ATP2A2: variants seen among roughly 807,000 people sequenced by gnomAD.
ATP2A2 encodes ATPase sarcoplasmic/endoplasmic reticulum Ca2+ transporting 2, also known as sarcoplasmic/endoplasmic reticulum calcium ATPase 2.
A neutral mutation model predicts 109.3 loss-of-function variants in ATP2A2; 14 were observed. The ratio of observed to expected loss-of-function variants is 0.13; its 90% confidence interval spans 0.08 to 0.20. The LOEUF is 0.20. Among genes scored for constraint, ATP2A2 ranks in the 10% least tolerant of loss-of-function variants. The pLI, the probability that ATP2A2 is intolerant of heterozygous loss-of-function variation, is 1.00. For synonymous variants in ATP2A2, 506 were observed against 490.9 expected, an observed-to-expected ratio of 1.03 and a Z score of -0.41; for missense variants, 657 against 1,321.6, an observed-to-expected ratio of 0.50 and a Z score of 7.80.
At chr12:110,337,634 A>T (rs115568508) in intron 11 of ATP2A2, among the ~76,000 whole-genome samples, 1 of 152,210 alleles carries the variant, frequency 6.6e-6, no homozygotes, top group South Asian at 2.1e-4. Flanking sequence ...CCTAGGTTAG[A>T]TGCTGATGTT....
rs1872064262 is a variant in ATP2A2, at chr12:110,281,381, C to A, written c.-409C>A. The stretch of plus-strand genomic sequence containing the variant: ...CGCGCACCGCCCCGCCGGCTCGCCT[C>A]CCTCGCCGCGTTCCGCCCTCAGTGG... On this transcript the variant is annotated 5_prime_UTR_variant, in exon 1 of 20. Coordinates refer to ENST00000539276, the MANE Select transcript of ATP2A2 (RefSeq NM_170665.4). The A allele has an allele frequency of 6.6e-6, 1 of 151,870 alleles. No individual in the cohort carries two copies. The highest frequency in any genetic ancestry group is 2.4e-5 in the African/African-American group (1 of 41,488). The allele number at this position is 151,870 out of a possible 1,614,324, so 9.4% of individuals were successfully genotyped here.
intron 3 of ATP2A2, among the ~76,000 whole-genome samples, chr12:110,289,027 T>G (rs1379794538): frequency 2.0e-5 from 3 of 152,208 alleles, no homozygotes; most frequent in Non-Finnish European, 4.4e-5. Context: ...CTGATATGGT[T>G]GTTCTTCATT....
intron 5 of ATP2A2, among the ~76,000 whole-genome samples, chr12:110,313,286 C>T (rs955529771): frequency 2.7e-5 from 4 of 149,960 alleles, no homozygotes; most frequent in African/African-American, 9.8e-5. Context: ...GAGAAGAAAC[C>T]ATGTGGTTTG....
intron 3 of ATP2A2, among the ~76,000 whole-genome samples, chr12:110,288,562 A>G (rs1872918932): frequency 6.6e-6 from 1 of 151,622 alleles, no homozygotes; most frequent in African/African-American, 2.4e-5. Context: ...CCACCACCAC[A>G]CTCGGCTAAT....
intron 5 of ATP2A2, among the ~76,000 whole-genome samples, chr12:110,321,176 T>C (rs559849758): frequency 9.8e-5 from 15 of 152,290 alleles, no homozygotes; most frequent in Non-Finnish European, 2.2e-4. Flanking sequence ...TGCAGTGAGC[T>C]GAGATCATGC....
chr12:110,292,336 G>A lies in ATP2A2; in HGVS notation c.324+212G>A, dbSNP rs553307433. On this transcript the variant is annotated intron_variant, in intron 4 of 19. Coordinates refer to ENST00000539276, the MANE Select transcript of ATP2A2 (RefSeq NM_170665.4). ...GGCTGGAGTGCAATGGTGTTGTCTC[G>A]GCTCACTGCAACCTCTTCCTCCCAG... 1.5e-3 allele frequency among the ~76,000 whole-genome samples: 225 copies of A among 151,732 alleles called. 2 individuals are homozygous for A. The highest frequency in any genetic ancestry group is 2.8e-3 in the Non-Finnish European group (192 of 67,912).
At position 110,346,638 on chromosome 12, in the gene ATP2A2, T is replaced by G; in HGVS notation, c.*168T>G. 1 of 1,469,472 alleles carries G rather than the reference T, an allele frequency of 6.8e-7. No homozygotes were observed. The highest frequency in any genetic ancestry group is 8.9e-7 in the Non-Finnish European group (1 of 1,120,398). 91.0% of individuals were successfully genotyped at this position (1,469,472 alleles called of 1,614,324 possible). A position where few individuals can be genotyped will look rare whatever the true frequency, so the allele number is the denominator to read the frequency against. On this transcript the variant is annotated 3_prime_UTR_variant, in exon 20 of 20. Coordinates refer to ENST00000539276, the MANE Select transcript of ATP2A2 (RefSeq NM_170665.4). The stretch of plus-strand genomic sequence containing the variant: ...TTTCTGACTCCAGTGGGGCAAGATT[T>G]TCCTTTTTTATACACATAATTAAAG...
At chr12:110,338,876 C>T (rs774491499) in intron 11 of ATP2A2, among the ~76,000 whole-genome samples, 1 of 152,202 alleles carries the variant, frequency 6.6e-6, no homozygotes, top group Non-Finnish European at 1.5e-5. Flanking sequence ...ATTCCAGCCA[C>T]GTTGGCACTC....
chr12:110,290,983 A>G (rs1194965856), intron 3 of ATP2A2, among the ~76,000 whole-genome samples: 2 of 151,550 alleles, frequency 1.3e-5, no homozygotes, highest in East Asian at 1.9e-4. Context: ...ATCTTGGCTC[A>G]CCGCAACCTC....
At chr12:110,290,186 G>C (rs909414709) in intron 3 of ATP2A2, among the ~76,000 whole-genome samples, 1 of 152,252 alleles carries the variant, frequency 6.6e-6, no homozygotes, top group East Asian at 1.9e-4. Context: ...GAAAAGAAAC[G>C]GGGAATTAAC....
At position 110,346,832 on chromosome 12, in the gene ATP2A2, G is replaced by A. The variant is rs1879913742; in HGVS notation, c.*362G>A. The stretch of plus-strand genomic sequence containing the variant: ...TGGCAGCAGATTTTAGGAAATGAAT[G>A]TGTGTGGTTTTTTTTCTAAAACTAA... On this transcript the variant is annotated 3_prime_UTR_variant, in exon 20 of 20. Transcript: ENST00000539276. 1.8e-6 allele frequency: 2 copies of A among 1,128,246 alleles called. No homozygotes were observed. Among genetic ancestry groups the A allele is most frequent in the Non-Finnish European group, 2.2e-6 (2 of 916,124 alleles). The allele number at this position is 1,128,246 out of a possible 1,614,324, so 69.9% of individuals were successfully genotyped here.
chr12:110,282,555 T>C lies in ATP2A2; in HGVS notation c.119-49T>C, dbSNP rs369478008. ...GCTAAAATGTCTCTCTCTTTTTTTT[T>C]TTAACCTCCCTCTTGACACATTGCT... is the stretch of plus-strand genomic sequence containing the variant. On this transcript the variant is annotated intron_variant, in intron 1 of 19. Coordinates refer to ENST00000539276, the MANE Select transcript of ATP2A2 (RefSeq NM_170665.4). 104 of 1,608,538 alleles carry C rather than the reference T, an allele frequency of 6.5e-5. No homozygotes were observed. In the African/African-American group the frequency reaches 1.3e-3, roughly 20 times the overall value.
At position 110,349,118 on chromosome 12, in the gene ATP2A2, G is replaced by A. The variant is rs1190387760; in HGVS notation, c.*2648G>A. Reference sequence around the variant, plus strand: ...CCCTTGGTCCAGACAGCTGGGAGTGGGTTAGGCCCACTGCTGTTTTGAGCA... The same window carrying A: ...CCCTTGGTCCAGACAGCTGGGAGTGAGTTAGGCCCACTGCTGTTTTGAGCA... On this transcript the variant is annotated 3_prime_UTR_variant, in exon 20 of 20. Coordinates refer to ENST00000539276, the MANE Select transcript of ATP2A2 (RefSeq NM_170665.4). The A allele has an allele frequency of 7.1e-6, 7 of 985,446 alleles. No homozygotes were observed. The highest frequency in any genetic ancestry group is 8.4e-6 in the Non-Finnish European group (7 of 829,962). 61.0% of individuals were successfully genotyped at this position (985,446 alleles called of 1,614,324 possible).
chr12:110,325,831 CAA>C (rs1175703164), intron 6 of ATP2A2: 1 of 158,706 alleles, frequency 6.3e-6, no homozygotes, highest in African/African-American at 2.4e-5. Context: ...AAAAAAATAC[CAA>C]AAAAATTAAC....
At chr12:110,290,996 C>T (rs1873214129) in intron 3 of ATP2A2, among the ~76,000 whole-genome samples, 1 of 151,798 alleles carries the variant, frequency 6.6e-6, no homozygotes, top group African/African-American at 2.4e-5. Context: ...GCAACCTCTG[C>T]CTCCCGGGTT....
In ATP2A2 at chr12:110,339,488, C is replaced by G; in HGVS notation, c.1543-15C>G. 3.1e-6 allele frequency: 5 copies of G among 1,613,984 alleles called. No homozygotes were observed. The highest frequency in any genetic ancestry group is 4.2e-6 in the Non-Finnish European group (5 of 1,179,944). On this transcript the variant is annotated splice_polypyrimidine_tract_variant and intron_variant, in intron 12 of 19. Coordinates refer to ENST00000539276, the MANE Select transcript of ATP2A2 (RefSeq NM_170665.4). The surrounding 1 kb of genome is among the most constrained non-coding windows in gnomAD (Gnocchi z 4.4). ...ATAAAACAAAATTGTTTATCTAAAT[C>G]TGTAACATTTCCAGGGTGCTCCTGA...
Position 110,339,778 on chromosome 12 carries a change from A to G in ATP2A2, c.1761+57A>G. 6.4e-7 allele frequency: 1 copy of G among 1,559,512 alleles called. No individual in the cohort carries two copies. Among genetic ancestry groups the G allele is most frequent in the East Asian group, 2.2e-5 (1 of 44,608 alleles). On this transcript the variant is annotated intron_variant, in intron 13 of 19. Transcript: ENST00000539276. The surrounding 1 kb of genome is among the most constrained non-coding windows in gnomAD (Gnocchi z 4.4). ...CCTGCACGATTCATTGTGTTTAAAC[A>G]GTACTCCTTCAAGCAAAAGGTCAAA...
chr12:110,339,782 C>G lies in ATP2A2; in HGVS notation c.1761+61C>G. The G allele has an allele frequency of 6.5e-7, 1 of 1,536,528 alleles. No individual in the cohort carries two copies. The highest frequency in any genetic ancestry group is 9.0e-7 in the Non-Finnish European group (1 of 1,114,042). On this transcript the variant is annotated intron_variant, in intron 13 of 19. Coordinates refer to ENST00000539276, the MANE Select transcript of ATP2A2 (RefSeq NM_170665.4). The surrounding 1 kb of genome is among the most constrained non-coding windows in gnomAD (Gnocchi z 4.4). ...CACGATTCATTGTGTTTAAACAGTA[C>G]TCCTTCAAGCAAAAGGTCAAACAGT...
intron 8 of ATP2A2, chr12:110,331,223 CAG>C: frequency 6.9e-6 from 1 of 144,468 alleles, no homozygotes; most frequent in Non-Finnish European, 1.5e-5. Flanking sequence ...GCCTAGGCGA[CAG>C]AGTGAAACTC....
Sources: allele counts gnomAD v4.1 joint callset (sites outside exome capture counted in the v4.1 genomes callset), GRCh38; gene constraint gnomAD v4.1.1; non-coding constraint Gnocchi (gnomAD v3.1); transcripts MANE v1.5; gene names NCBI Gene and HGNC (gene_info 2026-07-23, HGNC 2026-07-21).